DLG3: variants seen among roughly 807,000 people sequenced by gnomAD.
DLG3 encodes discs large MAGUK scaffold protein 3.
In DLG3, 1 loss-of-function variant was observed where a neutral mutation model predicts 64.1. The ratio of observed to expected loss-of-function variants is 0.02; its 90% CI spans 0.01 to 0.07. DLG3 has a LOEUF of 0.07. DLG3 is among the 10% of genes least tolerant of loss of function. DLG3 has a pLI of 1.00. For synonymous variants in DLG3, 245 were observed against 259.8 expected (o/e 0.94, Z 0.55); for missense variants, 429 against 669.5 (o/e 0.64, Z 3.96).
Position 70,445,023 on chromosome X carries a change from G to T in DLG3, c.-179G>T. ...AGCGTGGGGGCCGAGGCCCCGGGAC[G>T]CCCGCCCGGCCCCAGGCCCCGCTCA... On this transcript the variant is annotated 5_prime_UTR_variant, in exon 1 of 19. Transcript: ENST00000374360. 1 of 282,249 alleles carries T rather than the reference G, an allele frequency of 3.5e-6. No homozygotes were observed. Among genetic ancestry groups the T allele is most frequent in the Non-Finnish European group, 6.1e-6 (1 of 164,747 alleles). 23.3% of individuals were successfully genotyped at this position (282,249 alleles called of 1,213,427 possible).
intron 12 of DLG3, chrX:70,493,235 C>G (rs770690481): frequency 4.6e-5 from 24 of 520,384 alleles, no homozygotes; most frequent in Non-Finnish European, 7.9e-5. Flanking sequence ...CATTTAATCT[C>G]ATAGACTCCA....
intron 9 of DLG3, among the ~76,000 whole-genome samples, chrX:70,467,108 G>A (rs1172532474): frequency 9.0e-6 from 1 of 110,921 alleles, no homozygotes; most frequent in Non-Finnish European, 1.9e-5. Flanking sequence ...TAGAGATGGG[G>A]TCTCACTGTG....
At chrX:70,451,034 AAAG>A in intron 6 of DLG3, 1 of 423,439 alleles carries the variant, frequency 2.4e-6, no homozygotes, top group Non-Finnish European at 4.1e-6. Context: ...TGAATTTTAA[AAAG>A]AGGAGAGAGA....
chrX:70,468,674 A>G (rs1235441473), intron 9 of DLG3, among the ~76,000 whole-genome samples: 1 of 111,560 alleles, frequency 9.0e-6, no homozygotes, highest in Non-Finnish European at 1.9e-5. Flanking sequence ...TTTTTCCTCA[A>G]GCAATATTTG....
rs184089246 is a variant in DLG3 at position 70,467,365 on chromosome X, C to T, written c.1406-11785C>T. On this transcript the variant is annotated intron_variant, in intron 9 of 18. Coordinates refer to ENST00000374360, the MANE Select transcript of DLG3 (RefSeq NM_021120.4). ...TTTCTCTGCATTTTTGAAGTACCAC[C>T]TTTATTATAAATAAAATTCTTTTAT... is the stretch of plus-strand genomic sequence containing the variant. 2.7e-4 allele frequency among the ~76,000 whole-genome samples: 30 copies of T among 112,239 alleles called. No homozygotes were observed. The East Asian group carries it at 7.7e-3, about 29-fold the overall frequency.
At chrX:70,452,121 G>C in intron 7 of DLG3, 95 bp downstream of exon 7, 1 of 1,128,112 alleles carries the variant, frequency 8.9e-7, no homozygotes, top group East Asian at 3.1e-5. Flanking sequence ...TTGTAGTATG[G>C]CAAAGAAGAG....
At chrX:70,455,127 T>C in intron 9 of DLG3, 1 of 721,183 alleles carries the variant, frequency 1.4e-6, no homozygotes, top group Non-Finnish European at 1.6e-6. Context: ...CTCCTCCTCC[T>C]CCCTCCTTCC....
rs2087550233 is a variant in DLG3 at position 70,501,099 on chromosome X, C to G, written c.2347+110C>G. 19 of 630,214 alleles carry G rather than the reference C, an allele frequency of 3.0e-5. 1 individual carries two copies. In the South Asian group the frequency reaches 4.9e-4, roughly 16 times the overall value. 51.9% of individuals were successfully genotyped at this position (630,214 alleles called of 1,213,427 possible). A position where few individuals can be genotyped will look rare whatever the true frequency, so the allele number is the denominator to read the frequency against. The stretch of plus-strand genomic sequence containing the variant: ...AATGTAGAAACCTTGCACGGAGTTT[C>G]CAGTTGCTTTTAAGTTTTTGAGCAC... On this transcript the variant is annotated intron_variant, in intron 18 of 18. Transcript: ENST00000374360.
intron 10 of DLG3, among the ~76,000 whole-genome samples, chrX:70,491,018 T>G (rs1303922657): frequency 1.8e-5 from 2 of 110,612 alleles, no homozygotes; most frequent in Non-Finnish European, 3.8e-5. Context: ...GTTCAAGTGA[T>G]TCTCCTGCCT....
At chrX:70,461,200 A>G (rs1569275778) in intron 9 of DLG3, among the ~76,000 whole-genome samples, 1 of 111,833 alleles carries the variant, frequency 8.9e-6, no homozygotes, top group Non-Finnish European at 1.9e-5. Flanking sequence ...AAGGGTTCCA[A>G]TTTCTCCACA....
intron 9 of DLG3, among the ~76,000 whole-genome samples, chrX:70,468,193 C>A (rs7888602): frequency 2.7e-5 from 3 of 111,259 alleles, no homozygotes; most frequent in African/African-American, 9.9e-5. Context: ...CTTCAGCCTC[C>A]TGAGTAGCTG....
In DLG3 at chrX:70,449,369, G is replaced by C; in HGVS notation, c.419G>C (p.Gly140Ala). ...CACCCACTTCTGCAGGGCAACTCTG[G>C]CCTGGGCTTCAGTATCGCAGGTGGC... ...EEIVLERGNS[G>A]LGFSIAGGID... The change falls in exon 3 of 19, where the codon GGC becomes GCC. Residue 140 changes from glycine (G) to alanine (A), a missense_variant. Gly to Ala is a moderately conservative substitution (Grantham distance 60). Transcript: ENST00000374360. The C allele has an allele frequency of 8.3e-7, 1 of 1,211,701 alleles. No individual in the cohort carries two copies. The highest frequency in any genetic ancestry group is 1.1e-6 in the Non-Finnish European group (1 of 895,495).
At chrX:70,448,987 C>T (rs2086592471) in intron 2 of DLG3, 24 bp downstream of exon 2, 4 of 1,198,817 alleles carry the variant, frequency 3.3e-6, no homozygotes, top group African/African-American at 1.8e-5. Context: ...TGGGGAAAAG[C>T]GGAAAGGGAA....
At chrX:70,456,564 A>G (rs2086711362) in intron 9 of DLG3, among the ~76,000 whole-genome samples, 1 of 111,893 alleles carries the variant, frequency 8.9e-6, no homozygotes, top group African/African-American at 3.3e-5. Flanking sequence ...CTCTCTGAGC[A>G]TATTTCTGAG....
At position 70,469,511 on chromosome X, in the gene DLG3, C is replaced by T. The variant is rs1222804520; in HGVS notation, c.1406-9639C>T. On this transcript the variant is annotated intron_variant, in intron 9 of 18. Coordinates refer to ENST00000374360, the MANE Select transcript of DLG3 (RefSeq NM_021120.4). ...AGGATGGAGTGCAGTGGTGTAGTCT[C>T]GGCTCACTGCAACCTCCCCCTCCCA... 2.7e-4 allele frequency among the ~76,000 whole-genome samples: 22 copies of T among 81,485 alleles called. 1 individual carries two copies. The highest frequency in any genetic ancestry group is 8.9e-4 in the African/African-American group (19 of 21,384). The allele number at this position is 81,485 out of a possible 115,157, so 70.8% of individuals were successfully genotyped here. A position where few individuals can be genotyped will look rare whatever the true frequency, so the allele number is the denominator to read the frequency against.
rs1437071927 is a variant in DLG3, at chrX:70,503,753, C to G, written c.*1484C>G. 4.5e-5 allele frequency: 5 copies of G among 111,716 alleles called. No homozygotes were observed. The highest frequency in any genetic ancestry group is 1.6e-4 in the African/African-American group (5 of 30,572). The allele number at this position is 111,716 out of a possible 1,213,427, so 9.2% of individuals were successfully genotyped here. On this transcript the variant is annotated 3_prime_UTR_variant, in exon 19 of 19. Coordinates refer to ENST00000374360, the MANE Select transcript of DLG3 (RefSeq NM_021120.4). Reference sequence around the variant, plus strand: ...ACTGGTGAGCTGTGAAACCTTGTTGCTTTTTCCCAGAGTCTGATGGCAGTG... The same window carrying G: ...ACTGGTGAGCTGTGAAACCTTGTTGGTTTTTCCCAGAGTCTGATGGCAGTG...
At position 70,481,256 on chromosome X, in the gene DLG3, T is replaced by G. The variant is rs56408968; in HGVS notation, c.1520+1992T>G. Among the ~76,000 whole-genome samples the G allele has an allele frequency of 7.1e-3, 795 of 112,395 alleles. 9 individuals are homozygous for G. The highest frequency in any genetic ancestry group is 0.025 in the African/African-American group (766 of 30,931). ...TTCAGCATGTAAACATATTTAAGCTTCTTCCATTCTTAAAAAGAAGAAAAT... is the reference window on the plus strand; with the variant it reads ...TTCAGCATGTAAACATATTTAAGCTGCTTCCATTCTTAAAAAGAAGAAAAT... On this transcript the variant is annotated intron_variant, in intron 10 of 18. Transcript: ENST00000374360.
intron 10 of DLG3, among the ~76,000 whole-genome samples, chrX:70,490,684 C>T (rs1222888691): frequency 8.9e-6 from 1 of 112,089 alleles, no homozygotes; most frequent in African/African-American, 3.2e-5. Flanking sequence ...GTTTTACTTG[C>T]AGCTTCCAAC....
At chrX:70,495,280 C>T in intron 12 of DLG3, 128 bp from the exon 13 acceptor site, 3 of 600,286 alleles carry the variant, frequency 5.0e-6, no homozygotes, top group Non-Finnish European at 8.5e-6. Context: ...TTCCTCCCCC[C>T]TTGTCTTTTT....
Sources: gnomAD v4.1 joint callset for allele counts (sites outside exome capture counted in the v4.1 genomes callset) on GRCh38, gnomAD v4.1.1 for gene constraint, MANE v1.5 for transcripts, NCBI Gene and HGNC (gene_info 2026-07-23, HGNC 2026-07-21) for gene names.